Variants in RNPEPL1 observed in about 807,000 individuals in gnomAD.
The protein encoded by RNPEPL1 is arginyl aminopeptidase like 1.
RNPEPL1 carries 46 observed loss-of-function variants against 69.0 expected under a neutral mutation model. The ratio of observed to expected loss-of-function variants is 0.67; its 90% CI spans 0.53 to 0.85. RNPEPL1 has a LOEUF of 0.85. Among genes scored for constraint, RNPEPL1 ranks in the 40% least tolerant of loss-of-function variants. RNPEPL1 has a pLI of 0.00. For missense variants in RNPEPL1, 869 were observed against 992.5 expected (o/e 0.88, Z 1.67); for synonymous variants, 525 against 454.1 (o/e 1.16, Z -1.98).
In RNPEPL1 at chr2:240,580,827, G is replaced by A. The variant is rs191127117; in HGVS notation, c.*2935G>A. The stretch of plus-strand genomic sequence containing the variant: ...GATGATGTTCAAAAAGGGAAAAGAA[G>A]CGTGATGAAAGACTGGTTTCTACAG... On this transcript the variant is annotated 3_prime_UTR_variant, in exon 11 of 11. Transcript: ENST00000270357. The A allele has an allele frequency of 1.3e-5, 2 of 152,338 alleles. No homozygotes were observed. The highest frequency in any genetic ancestry group is 2.9e-5 in the Non-Finnish European group (2 of 68,034). The allele number at this position is 152,338 out of a possible 1,614,324, so 9.4% of individuals were successfully genotyped here. A position where few individuals can be genotyped will look rare whatever the true frequency, so the allele number is the denominator to read the frequency against.
chr2:240,573,731 G>A (rs773529291), intron 3 of RNPEPL1, 44 bp from the exon 4 acceptor site: 7 of 1,464,050 alleles, frequency 4.8e-6, no homozygotes, highest in African/African-American at 1.4e-5. Context: ...GGTGAGCGGG[G>A]CTGGGGCTGC....
chr2:240,572,402 G>C, intron 1 of RNPEPL1, 21 bp from the exon 2 acceptor site: 1 of 1,535,542 alleles, frequency 6.5e-7, no homozygotes, highest in South Asian at 1.2e-5. Flanking sequence ...GCCGTCTGCT[G>C]ATGGGCCATC....
chr2:240,568,785 G>A lies in RNPEPL1; in HGVS notation c.199G>A (p.Ala67Thr). Residue 67 changes from alanine (A) to threonine (T), a missense_variant, in exon 1 of 11, where the codon GCG (alanine) becomes ACG (threonine). Physicochemically the swap from Ala to Thr is moderately conservative, Grantham distance 58 (BLOSUM62 0). Transcript: ENST00000270357. The surrounding 1 kb of genome is among the most constrained non-coding windows in gnomAD (Gnocchi z 6.2). ...CGGCTGCCTGGTGCTCGAGCTGTGC[G>A]CGCTGCGGCCCGCGCCCCGCGCGCT... ...LAGCLVLELC[A>T]LRPAPRALVL... The A allele has an allele frequency of 9.3e-7, 1 of 1,076,160 alleles. No homozygotes were observed. Among genetic ancestry groups the A allele is most frequent in the Non-Finnish European group, 1.1e-6 (1 of 887,616 alleles). The allele number at this position is 1,076,160 out of a possible 1,614,324, so 66.7% of individuals were successfully genotyped here.
rs761712784 is a variant in RNPEPL1, at chr2:240,574,502, G to A, written c.1175-13G>A. 1.3e-5 allele frequency: 21 copies of A among 1,604,824 alleles called. No individual in the cohort carries two copies. Among genetic ancestry groups the A allele is most frequent in the East Asian group, 2.2e-5 (1 of 44,588 alleles). On this transcript the variant is annotated splice_polypyrimidine_tract_variant and intron_variant, in intron 5 of 10. Coordinates refer to ENST00000270357, the MANE Select transcript of RNPEPL1 (RefSeq NM_018226.6). ...ACCCCCTCACCTCTCCTCTGTCTCC[G>A]GACCCCATCCAGGTGCTGCCTTCAC...
At chr2:240,571,454 G>C (rs866836841) in intron 1 of RNPEPL1, among the ~76,000 whole-genome samples, 1 of 152,180 alleles carries the variant, frequency 6.6e-6, no homozygotes, top group African/African-American at 2.4e-5. Flanking sequence ...GGGTGGATAC[G>C]ACGTGCAGGG....
chr2:240,577,926 C>T lies in RNPEPL1; in HGVS notation c.*34C>T, dbSNP rs1391602046. The T allele has an allele frequency of 2.8e-6, 4 of 1,452,736 alleles. No individual in the cohort carries two copies. The highest frequency in any genetic ancestry group is 1.8e-6 in the Non-Finnish European group (2 of 1,094,020). The allele number at this position is 1,452,736 out of a possible 1,614,324, so 90.0% of individuals were successfully genotyped here. ...GCGGGCTGACCCTCGACCTCCCAGA[C>T]ACCACAATTGTGCCTTCTGTGGGCC... On this transcript the variant is annotated 3_prime_UTR_variant, in exon 11 of 11. Coordinates refer to ENST00000270357, the MANE Select transcript of RNPEPL1 (RefSeq NM_018226.6).
Position 240,573,228 on chromosome 2 carries a change from C to A in RNPEPL1, c.788C>A (p.Ala263Asp). The change falls in exon 3 of 11, where the codon GCC (alanine) becomes GAC (aspartate). Residue 263 changes from alanine (A) to aspartate (D), a missense_variant. This residue lies in a region of RNPEPL1 where 610 missense variants were observed against 790.9 expected (regional missense o/e 0.77). Coordinates refer to ENST00000270357, the MANE Select transcript of RNPEPL1 (RefSeq NM_018226.6). ...CCCGCCTACCTCGTGGCCCTGGTGG[C>A]CGGAGACCTCAAGCCGGCAGACATC... ...PVPAYLVALV[A>D]GDLKPADIGP... 6.4e-7 allele frequency: 1 copy of A among 1,573,810 alleles called. No individual in the cohort carries two copies. Among genetic ancestry groups the A allele is most frequent in the Non-Finnish European group, 8.6e-7 (1 of 1,160,078 alleles).
At chr2:240,569,217 AG>A in intron 1 of RNPEPL1, 103 bp downstream of exon 1, 1 of 1,230,608 alleles carries the variant, frequency 8.1e-7, no homozygotes, top group Non-Finnish European at 1.0e-6. Context: ...TGCGCCCTAC[AG>A]GTGCCCCCCT....
chr2:240,575,227 A>G, intron 7 of RNPEPL1, 85 bp downstream of exon 7: 1 of 1,115,770 alleles, frequency 9.0e-7, no homozygotes, highest in Non-Finnish European at 1.4e-6. Flanking sequence ...CTCTTGCGGC[A>G]GTTGGGGTGG....
Position 240,568,858 on chromosome 2 carries a change from G to T in RNPEPL1, c.272G>T (p.Arg91Leu). 8.4e-7 allele frequency: 1 copy of T among 1,197,556 alleles called. No homozygotes were observed. The highest frequency in any genetic ancestry group is 1.0e-6 in the Non-Finnish European group (1 of 961,002). 74.2% of individuals were successfully genotyped at this position (1,197,556 alleles called of 1,614,324 possible). The change falls in exon 1 of 11, where the codon CGT becomes CTT. Residue 91 changes from arginine to leucine, a missense_variant. Arg to Leu is a moderately radical substitution (Grantham distance 102, BLOSUM62 -2). This residue lies in a region of RNPEPL1 where 259 missense variants were observed against 201.5 expected (regional missense o/e 1.29). Transcript: ENST00000270357. This position sits in a 1 kb window ranked among gnomAD's most constrained non-coding sequence, Gnocchi z 6.2. The part of the protein sequence containing the change: ...PALRLHSAAF[R>L]RAPAAAAETP... ...CTGCGCCTGCACTCAGCCGCCTTCC[G>T]TCGCGCCCCCGCCGCCGCCGCCGAG...
In RNPEPL1 at chr2:240,568,891, G is replaced by A. The variant is rs1306975362; in HGVS notation, c.305G>A (p.Cys102Tyr). 7.9e-7 allele frequency: 1 copy of A among 1,273,804 alleles called. No individual in the cohort carries two copies. Among genetic ancestry groups the A allele is most frequent in the African/African-American group, 1.6e-5 (1 of 62,824 alleles). 78.9% of individuals were successfully genotyped at this position (1,273,804 alleles called of 1,614,324 possible). A position where few individuals can be genotyped will look rare whatever the true frequency, so the allele number is the denominator to read the frequency against. Residue 102 changes from cysteine to tyrosine, a missense_variant, in exon 1 of 11, where the codon TGC (cysteine) becomes TAC (tyrosine). This residue lies in a region of RNPEPL1 where 259 missense variants were observed against 201.5 expected (regional missense o/e 1.29). Transcript: ENST00000270357. This position sits in a 1 kb window ranked among gnomAD's most constrained non-coding sequence, Gnocchi z 6.2. ...RAPAAAAETP[C>Y]AFAFSAPGPG... ...CCCGCCGCCGCCGCCGAGACGCCCT[G>A]CGCCTTCGCCTTCTCCGCCCCCGGG...
At position 240,579,134 on chromosome 2, in the gene RNPEPL1, CAG is replaced by C. The variant is rs1204360376; in HGVS notation, c.*1243_*1244del. 2 of 152,280 alleles carry C rather than the reference CAG, an allele frequency of 1.3e-5. No homozygotes were observed. Among genetic ancestry groups the C allele is most frequent in the Admixed American group, 6.5e-5 (1 of 15,294 alleles). The allele number at this position is 152,280 out of a possible 1,614,324, so 9.4% of individuals were successfully genotyped here. ...CCCCAAGGATGTGGCGCCACCATCT[CAG>C]TGCCACGCACACCTGGCCAACATGC... is the stretch of plus-strand genomic sequence containing the variant. On this transcript the variant is annotated 3_prime_UTR_variant, in exon 11 of 11. Coordinates refer to ENST00000270357, the MANE Select transcript of RNPEPL1 (RefSeq NM_018226.6).
In RNPEPL1 at chr2:240,568,710, C is replaced by T; in HGVS notation, c.124C>T (p.Arg42Cys). 9.3e-7 allele frequency: 1 copy of T among 1,071,266 alleles called. No individual in the cohort carries two copies. The highest frequency in any genetic ancestry group is 1.1e-6 in the Non-Finnish European group (1 of 879,434). 66.4% of individuals were successfully genotyped at this position (1,071,266 alleles called of 1,614,324 possible). ...CTCCAGCGCGCAGCTCTTCCGCCTC[C>T]GCCACCTGCAGCTGGGCCTGGAGCT... ...SASSAQLFRL[R>C]HLQLGLELRP... Residue 42 changes from arginine (R) to cysteine (C), a missense_variant, in exon 1 of 11, where the codon CGC becomes TGC. Physicochemically the swap from Arg to Cys is radical, Grantham distance 180 (BLOSUM62 -3). Coordinates refer to ENST00000270357, the MANE Select transcript of RNPEPL1 (RefSeq NM_018226.6). This position sits in a 1 kb window ranked among gnomAD's most constrained non-coding sequence, Gnocchi z 6.2.
intron 7 of RNPEPL1, 78 bp from the exon 8 acceptor site, chr2:240,575,424 A>G: frequency 8.0e-7 from 1 of 1,250,292 alleles, no homozygotes; most frequent in Non-Finnish European, 1.2e-6. Context: ...CACGCCCTGC[A>G]GTGCCCTGCA....
chr2:240,569,294 G>A (rs917490882), intron 1 of RNPEPL1, 180 bp downstream of exon 1: 4 of 645,544 alleles, frequency 6.2e-6, no homozygotes, highest in East Asian at 3.6e-5. Context: ...AGAAGCCGGA[G>A]TCCTGCGGGG....
Position 240,572,455 on chromosome 2 carries a change from C to G in RNPEPL1, c.561C>G (p.Gly187=), listed in dbSNP as rs1201868701. 12 of 1,536,134 alleles carry G rather than the reference C, an allele frequency of 7.8e-6. No individual in the cohort carries two copies. Among genetic ancestry groups the G allele is most frequent in the Middle Eastern group, 1.7e-4 (1 of 6,010 alleles). ...IWWLDPELTY[G]CAKPFVFTQG... ...GGCTGGACCCAGAGCTGACCTATGG[C>G]TGCGCCAAGCCCTTCGTCTTCACCC... is the stretch of plus-strand genomic sequence containing the variant. Residue 187 remains glycine (G), a synonymous_variant, in exon 2 of 11, where the codon GGC becomes GGG. Coordinates refer to ENST00000270357, the MANE Select transcript of RNPEPL1 (RefSeq NM_018226.6).
In RNPEPL1 at chr2:240,575,147, G is replaced by A. The variant is rs2093034021; in HGVS notation, c.1401+5G>A. The A allele has an allele frequency of 6.2e-7, 1 of 1,608,820 alleles. No individual in the cohort carries two copies. The highest frequency in any genetic ancestry group is 8.5e-7 in the Non-Finnish European group (1 of 1,175,996). On this transcript the variant is annotated splice_donor_5th_base_variant and intron_variant, in intron 7 of 10. Transcript: ENST00000270357. The stretch of plus-strand genomic sequence containing the variant: ...CGCTTTGATGACTTTCTCCGAGTGA[G>A]CAGCCCCCTGCCCGGGACGGCCCTG...
chr2:240,574,948 C>A, intron 6 of RNPEPL1, 82 bp from the exon 7 acceptor site: 2 of 1,065,760 alleles, frequency 1.9e-6, no homozygotes, highest in Non-Finnish European at 2.9e-6. Flanking sequence ...TGCTGCTCCT[C>A]GGAGCCTGAC....
chr2:240,572,346 C>A (rs2093024137), intron 1 of RNPEPL1, 77 bp from the exon 2 acceptor site: 1 of 1,488,824 alleles, frequency 6.7e-7, no homozygotes, highest in Non-Finnish European at 9.0e-7. Flanking sequence ...CCTGCCTTCT[C>A]TCAGGCTGCT....
Sources: allele counts gnomAD v4.1 joint callset (sites outside exome capture counted in the v4.1 genomes callset), GRCh38; gene constraint gnomAD v4.1.1; regional missense constraint gnomAD v4.1.1; non-coding constraint Gnocchi (gnomAD v3.1); transcripts MANE v1.5; gene names NCBI Gene and HGNC (gene_info 2026-07-23, HGNC 2026-07-21).